POMT1: variants seen among roughly 807,000 people sequenced by gnomAD.
POMT1 encodes protein O-mannosyl-transferase 1.
A neutral mutation model predicts 101.6 loss-of-function variants in POMT1; 85 were observed. The observed-to-expected ratio is 0.84, with a 90% CI of 0.70 to 1.00. The LOEUF (loss-of-function observed/expected upper bound fraction) is 1.00. POMT1 is among the 50% of genes least tolerant of loss of function. The pLI is 0.00. For synonymous variants in POMT1, 371 were observed against 383.0 expected, an observed-to-expected ratio of 0.97 and a Z score of 0.37; for missense variants, 857 against 930.4, an observed-to-expected ratio of 0.92 and a Z score of 1.03.
Position 131,512,044 on chromosome 9 carries a change from T to C in POMT1, c.990T>C (p.Tyr330=), listed in dbSNP as rs765230689. Residue 330 remains tyrosine, a synonymous_variant, in exon 11 of 20, where the codon TAT becomes TAC. Coordinates refer to ENST00000402686, the MANE Select transcript of POMT1 (RefSeq NM_001077365.2). ...HSHQDTYPMI[Y]ENGRGSSHQQ... is the part of the protein sequence containing the mutation. ...TCTCTTTGTTGACTTCACACAGATATGAGAACGGCCGAGGCAGCTCCCACC... is the reference window on the plus strand; with the variant it reads ...TCTCTTTGTTGACTTCACACAGATACGAGAACGGCCGAGGCAGCTCCCACC... The C allele has an allele frequency of 4.3e-6, 7 of 1,613,952 alleles. No homozygotes were observed. In the East Asian group the frequency reaches 8.9e-5, roughly 21 times the overall value.
At position 131,519,534 on chromosome 9, in the gene POMT1, C is replaced by G. The variant is rs1422052680; in HGVS notation, c.1584+48C>G. On this transcript the variant is annotated intron_variant, in intron 16 of 19. Transcript: ENST00000402686. The surrounding 1 kb of genome is among the most constrained non-coding windows in gnomAD (Gnocchi z 4.3). ...TGGCCTAGCTCGCTGAGCATTGACT[C>G]CTCAGCAGGGAGGCCTGGGGGCTGC... 6.6e-7 allele frequency: 1 copy of G among 1,518,798 alleles called. No homozygotes were observed. The highest frequency in any genetic ancestry group is 8.9e-7 in the Non-Finnish European group (1 of 1,124,202). 94.1% of individuals were successfully genotyped at this position (1,518,798 alleles called of 1,614,324 possible).
intron 4 of POMT1, among the ~76,000 whole-genome samples, chr9:131,507,061 C>T (rs1157712972): frequency 4.7e-5 from 7 of 149,044 alleles, no homozygotes; most frequent in Admixed American, 3.3e-4. Flanking sequence ...AGCAAGACTC[C>T]GTCTCAGAGA....
Position 131,523,462 on chromosome 9 carries a change from G to A in POMT1, c.*356G>A. The A allele has an allele frequency of 2.9e-6, 1 of 341,436 alleles. No individual in the cohort carries two copies. The highest frequency in any genetic ancestry group is 5.7e-6 in the Non-Finnish European group (1 of 175,452). 21.2% of individuals were successfully genotyped at this position (341,436 alleles called of 1,614,324 possible). Reference sequence around the variant, plus strand: ...GGCCTGGTCCTTGCTAACTGCTGCAGGGTGGAGTTTGATCTGGCAGACCCG... The same window carrying A: ...GGCCTGGTCCTTGCTAACTGCTGCAAGGTGGAGTTTGATCTGGCAGACCCG... On this transcript the variant is annotated 3_prime_UTR_variant, in exon 20 of 20. Coordinates refer to ENST00000402686, the MANE Select transcript of POMT1 (RefSeq NM_001077365.2).
At chr9:131,506,380 T>C (rs1347969819) in intron 3 of POMT1, 23 bp from the exon 4 acceptor site, 1 of 1,608,428 alleles carries the variant, frequency 6.2e-7, no homozygotes, top group South Asian at 1.1e-5. Flanking sequence ...ATGGGATAGT[T>C]ACTGATTAAT....
chr9:131,518,293 C>A, intron 13 of POMT1, 152 bp from the exon 14 acceptor site: 1 of 801,216 alleles, frequency 1.2e-6, no homozygotes, highest in Non-Finnish European at 2.3e-6. Context: ...GGAAGGAAGG[C>A]CAGTACCAGC....
In POMT1 at chr9:131,512,118, T is replaced by C. The variant is rs1334264954; in HGVS notation, c.1064T>C (p.Ile355Thr). The change falls in exon 11 of 20, where the codon ATT becomes ACT. Residue 355 changes from isoleucine to threonine, a missense_variant. Coordinates refer to ENST00000402686, the MANE Select transcript of POMT1 (RefSeq NM_001077365.2). The stretch of plus-strand genomic sequence containing the variant: ...TTCAAAGATGTCAATAACTGGTGGA[T>C]TGTAAAGGATCCCAGGAGGTGAGTG... ...YPFKDVNNWWIVKDPRRHQLV... is the reference protein window; with the variant it reads ...YPFKDVNNWWTVKDPRRHQLV... 1.9e-6 allele frequency: 3 copies of C among 1,613,862 alleles called. No homozygotes were observed. The highest frequency in any genetic ancestry group is 2.7e-5 in the African/African-American group (2 of 74,904).
intron 3 of POMT1, 47 bp from the exon 4 acceptor site, chr9:131,506,356 G>A: frequency 1.9e-6 from 3 of 1,588,762 alleles, no homozygotes; most frequent in Non-Finnish European, 2.6e-6. Flanking sequence ...CAGTACTCTA[G>A]AAATATTTGC....
Position 131,523,298 on chromosome 9 carries a change from A to AT in POMT1, c.*198dup. The AT allele has an allele frequency of 3.0e-6, 2 of 666,798 alleles. No individual in the cohort carries two copies. The highest frequency in any genetic ancestry group is 1.8e-5 in the South Asian group (1 of 54,220). The allele number at this position is 666,798 out of a possible 1,614,324, so 41.3% of individuals were successfully genotyped here. ...GAGCACCTCCTTTTGTGCAAAGTTA[A>AT]TTTTTTCTCGACAATAAAGATATTC... On this transcript the variant is annotated 3_prime_UTR_variant, in exon 20 of 20. Transcript: ENST00000402686.
intron 2 of POMT1, 86 bp downstream of exon 2, chr9:131,504,426 G>A: frequency 3.7e-6 from 6 of 1,601,012 alleles, no homozygotes; most frequent in Non-Finnish European, 5.1e-6. Context: ...ATAAATGGGA[G>A]AGTGAAATCC....
At chr9:131,504,755 ATGTGTGTGTGTG>A (rs1049729805) in intron 2 of POMT1, among the ~76,000 whole-genome samples, 53 of 148,910 alleles carry the variant, frequency 3.6e-4, no homozygotes, top group African/African-American at 1.0e-3. Context: ...TAATGTGTGT[ATGTGTGTGTGTG>A]TGTGTGTGTG....
Position 131,519,723 on chromosome 9 carries a change from G to A in POMT1, c.1584+237G>A, listed in dbSNP as rs1019150878. ...GGGACCCAGGAGGTTCTGCAACATC[G>A]CCAGGGTGTCTTAAGGCCCCCAGGC... is the stretch of plus-strand genomic sequence containing the variant. On this transcript the variant is annotated intron_variant, in intron 16 of 19. Coordinates refer to ENST00000402686, the MANE Select transcript of POMT1 (RefSeq NM_001077365.2). The surrounding 1 kb of genome is among the most constrained non-coding windows in gnomAD (Gnocchi z 4.3). 2.0e-5 allele frequency among the ~76,000 whole-genome samples: 3 copies of A among 152,132 alleles called. No individual in the cohort carries two copies. Among genetic ancestry groups the A allele is most frequent in the Admixed American group, 6.5e-5 (1 of 15,272 alleles).
chr9:131,510,855 C>T (rs545227841), intron 9 of POMT1: 40 of 334,256 alleles, frequency 1.2e-4, no homozygotes, highest in Admixed American at 7.9e-4. Context: ...CAGTTTCACC[C>T]GCCTTAAGGA....
In POMT1 at chr9:131,522,661, C is replaced by T. The variant is rs1004663985; in HGVS notation, c.2004-271C>T. On this transcript the variant is annotated intron_variant, in intron 19 of 19. Coordinates refer to ENST00000402686, the MANE Select transcript of POMT1 (RefSeq NM_001077365.2). This position sits in a 1 kb window ranked among gnomAD's most constrained non-coding sequence, Gnocchi z 5.5. Reference sequence around the variant, plus strand: ...GGCCTCCCGGTTTCAGGAAGCCACACAAGGGAGGACCGTGGGTTTGGGACC... The same window carrying T: ...GGCCTCCCGGTTTCAGGAAGCCACATAAGGGAGGACCGTGGGTTTGGGACC... The T allele has an allele frequency of 2.1e-5, 12 of 573,370 alleles. No homozygotes were observed. Among genetic ancestry groups the T allele is most frequent in the Admixed American group, 6.1e-5 (2 of 33,004 alleles). 35.5% of individuals were successfully genotyped at this position (573,370 alleles called of 1,614,324 possible).
At chr9:131,514,270 G>A (rs915043324) in intron 12 of POMT1, among the ~76,000 whole-genome samples, 1 of 152,054 alleles carries the variant, frequency 6.6e-6, no homozygotes, top group South Asian at 2.1e-4. Flanking sequence ...AGTGACTCCC[G>A]TCACCCGCCA....
Position 131,519,136 on chromosome 9 carries a change from C to T in POMT1, c.1486+179C>T, listed in dbSNP as rs1199121238. On this transcript the variant is annotated intron_variant, in intron 15 of 19. Coordinates refer to ENST00000402686, the MANE Select transcript of POMT1 (RefSeq NM_001077365.2). The surrounding 1 kb of genome is among the most constrained non-coding windows in gnomAD (Gnocchi z 4.3). ...CAGCTGCTGCAGTAATAACTCAAGA[C>T]GCTTCTTCCGAGGTGTCGCTGGAAG... 2.0e-5 allele frequency among the ~76,000 whole-genome samples: 3 copies of T among 152,200 alleles called. No homozygotes were observed. The highest frequency in any genetic ancestry group is 2.1e-4 in the South Asian group (1 of 4,824).
rs1394416538 is a variant in POMT1, at chr9:131,523,217, G to A, written c.*111G>A. 1 of 1,329,060 alleles carries A rather than the reference G, an allele frequency of 7.5e-7. No individual in the cohort carries two copies. Among genetic ancestry groups the A allele is most frequent in the Non-Finnish European group, 1.0e-6 (1 of 957,966 alleles). 82.3% of individuals were successfully genotyped at this position (1,329,060 alleles called of 1,614,324 possible). Reference sequence around the variant, plus strand: ...CCCCACGCTGGGAGGACACGGGCTGGGCTGAGCAGGGCCTCTAGTGGAACA... The same window carrying A: ...CCCCACGCTGGGAGGACACGGGCTGAGCTGAGCAGGGCCTCTAGTGGAACA... On this transcript the variant is annotated 3_prime_UTR_variant, in exon 20 of 20. Coordinates refer to ENST00000402686, the MANE Select transcript of POMT1 (RefSeq NM_001077365.2).
chr9:131,511,905 C>T lies in POMT1; in HGVS notation c.987-136C>T, dbSNP rs1045664498. ...TTTTTCTCATAAATAGACACAGGGTCTCACTATGTTGCCCAGGCTGGTCTC... is the reference window on the plus strand; with the variant it reads ...TTTTTCTCATAAATAGACACAGGGTTTCACTATGTTGCCCAGGCTGGTCTC... On this transcript the variant is annotated intron_variant, in intron 10 of 19. Coordinates refer to ENST00000402686, the MANE Select transcript of POMT1 (RefSeq NM_001077365.2). The T allele has an allele frequency of 3.7e-6, 3 of 821,578 alleles. No individual in the cohort carries two copies. The South Asian group carries it at 4.3e-5, about 12-fold the overall frequency. The allele number at this position is 821,578 out of a possible 1,614,324, so 50.9% of individuals were successfully genotyped here.
At chr9:131,511,002 CAAG>C in intron 9 of POMT1, 1 of 287,348 alleles carries the variant, frequency 3.5e-6, no homozygotes, top group Non-Finnish European at 6.6e-6. Flanking sequence ...TGTGTTTCAG[CAAG>C]TTGTTTGGCT....
At chr9:131,511,678 T>TCTGTGG in intron 10 of POMT1, 4 of 640,364 alleles carry the variant, frequency 6.2e-6, no homozygotes, top group South Asian at 3.8e-5. Context: ...CGGCCCCAGC[T>TCTGTGG]CTGTGGCTGT....
Sources: allele counts gnomAD v4.1 joint callset (sites outside exome capture counted in the v4.1 genomes callset), GRCh38; gene constraint gnomAD v4.1.1; non-coding constraint Gnocchi (gnomAD v3.1); transcripts MANE v1.5; gene names NCBI Gene and HGNC (gene_info 2026-07-23, HGNC 2026-07-21).